Variants in TAS2R1 observed in about 807,000 individuals in gnomAD.
TAS2R1 encodes taste 2 receptor member 1, also known as taste receptor type 2 member 1.
For synonymous variants in TAS2R1, 141 were observed against 134.2 expected, an observed-to-expected ratio of 1.05 and a Z score of -0.35; for missense variants, 370 against 353.4, an observed-to-expected ratio of 1.05 and a Z score of -0.38.
At chr5:9,639,213 C>A (rs1740025319) in intron 2 of TAS2R1, among the ~76,000 whole-genome samples, 2 of 152,164 alleles carry the variant, frequency 1.3e-5, no homozygotes, top group Admixed American at 1.3e-4. Flanking sequence ...GTTGTATTGG[C>A]TGGCTTCCCC....
At chr5:9,900,760 A>G in the TAS2R1 span, among the ~76,000 whole-genome samples, 2 of 151,922 alleles carry the variant, frequency 1.3e-5, no homozygotes, top group African/African-American at 4.8e-5. Flanking sequence ...AGCTGGGACT[A>G]CAGGCACCTG....
chr5:9,843,499 G>C, the TAS2R1 span, among the ~76,000 whole-genome samples: 10,454 of 152,112 alleles, frequency 0.069, 485 homozygotes, highest in Non-Finnish European at 0.091. Flanking sequence ...TTCTCTATAA[G>C]CAACTATAGT....
the TAS2R1 span, among the ~76,000 whole-genome samples, chr5:9,861,656 G>A: frequency 6.6e-6 from 1 of 152,156 alleles, no homozygotes; most frequent in Non-Finnish European, 1.5e-5. Flanking sequence ...CTTGTTCTAA[G>A]GAATATGTAG....
At chr5:9,762,349 G>A in the TAS2R1 span, among the ~76,000 whole-genome samples, 1 of 152,086 alleles carries the variant, frequency 6.6e-6, no homozygotes. Flanking sequence ...TATATTTTTG[G>A]TGAGAGTCAA....
In TAS2R1 at chr5:9,694,987, T is replaced by C. The variant is rs1055854981; in HGVS notation, c.-242+17185A>G. Among the ~76,000 whole-genome samples, 7 of 152,324 alleles carry C rather than the reference T, an allele frequency of 4.6e-5. 1 individual carries two copies. The highest frequency in any genetic ancestry group is 6.8e-3 in the Middle Eastern group (2 of 294). ...TAAAATCCTTTCTCCTTCCAGTTCA[T>C]GGTGCTGATTCTAGCATTAACCACC... On this transcript the variant is annotated intron_variant, in intron 1 of 2. Coordinates refer to the TAS2R1 transcript ENST00000506620.
the TAS2R1 span, among the ~76,000 whole-genome samples, chr5:9,792,193 C>T: frequency 7.9e-5 from 12 of 152,190 alleles, no homozygotes; most frequent in Non-Finnish European, 1.6e-4. Context: ...CACCTATGCT[C>T]CCCAAGGCTC....
intron 1 of TAS2R1, among the ~76,000 whole-genome samples, chr5:9,670,705 C>T (rs1006933693): frequency 6.6e-6 from 1 of 152,124 alleles, no homozygotes; most frequent in African/African-American, 2.4e-5. Flanking sequence ...CAAATTCTAC[C>T]AGATGTATAA....
the TAS2R1 span, among the ~76,000 whole-genome samples, chr5:9,862,065 G>A: frequency 4.5e-4 from 68 of 152,240 alleles, no homozygotes; most frequent in South Asian, 2.7e-3. Context: ...CACCAGCTCT[G>A]AAAATGATTA....
At chr5:9,657,854 T>C (rs1425228442) in intron 2 of TAS2R1, among the ~76,000 whole-genome samples, 1 of 152,204 alleles carries the variant, frequency 6.6e-6, no homozygotes, top group Non-Finnish European at 1.5e-5. Context: ...TACTGAACTG[T>C]ACACTGAAAA....
chr5:9,888,760 C>A, the TAS2R1 span, among the ~76,000 whole-genome samples: 1 of 152,162 alleles, frequency 6.6e-6, no homozygotes, highest in African/African-American at 2.4e-5. Context: ...TAACAGTGGA[C>A]AGGGAGGGGA....
chr5:9,632,942 T>C (rs1739895378), upstream of TAS2R1, among the ~76,000 whole-genome samples: 1 of 151,150 alleles, frequency 6.6e-6, no homozygotes, highest in East Asian at 1.9e-4. Context: ...AAATGGTGAA[T>C]CCTTTCCAGA....
chr5:9,779,328 A>G, the TAS2R1 span, among the ~76,000 whole-genome samples: 1 of 152,242 alleles, frequency 6.6e-6, no homozygotes, highest in East Asian at 1.9e-4. Flanking sequence ...TTCCTATACA[A>G]CCTGCAAAAC....
chr5:9,854,304 G>A, the TAS2R1 span: 1 of 151,636 alleles, frequency 6.6e-6, no homozygotes, highest in African/African-American at 2.4e-5. Context: ...TTGGATTAGG[G>A]CCTCACCTGC....
chr5:9,786,007 C>G, the TAS2R1 span, among the ~76,000 whole-genome samples: 1 of 152,168 alleles, frequency 6.6e-6, no homozygotes, highest in East Asian at 1.9e-4. Flanking sequence ...AATCCATGAC[C>G]CCTGCTGCTC....
chr5:9,747,622 A>G, the TAS2R1 span, among the ~76,000 whole-genome samples: 1 of 152,160 alleles, frequency 6.6e-6, no homozygotes, highest in Non-Finnish European at 1.5e-5. Context: ...ATACGCCTCC[A>G]TGACCCAAAC....
chr5:9,675,397 CATTA>C (rs1369703686), intron 1 of TAS2R1, among the ~76,000 whole-genome samples: 1 of 150,412 alleles, frequency 6.6e-6, no homozygotes, highest in African/African-American at 2.4e-5. Flanking sequence ...TTACTGAATC[CATTA>C]ATTATTTTTT....
chr5:9,814,361 C>T, the TAS2R1 span, among the ~76,000 whole-genome samples: 4 of 151,804 alleles, frequency 2.6e-5, no homozygotes, highest in Non-Finnish European at 4.4e-5. Flanking sequence ...TAAGGAAAGT[C>T]CATGGCAAGA....
the TAS2R1 span, among the ~76,000 whole-genome samples, chr5:9,835,842 G>A: frequency 2.0e-5 from 3 of 152,164 alleles, no homozygotes; most frequent in East Asian, 3.9e-4. Context: ...ATCCCAGGGT[G>A]GCTGAGTTAA....
the TAS2R1 span, among the ~76,000 whole-genome samples, chr5:9,852,179 G>C: frequency 3.9e-5 from 6 of 152,050 alleles, no homozygotes; most frequent in African/African-American, 1.4e-4. Flanking sequence ...TTATCCTCTA[G>C]GAGGCTTTAC....
Sources: gnomAD v4.1 joint callset for allele counts (sites outside exome capture counted in the v4.1 genomes callset) on GRCh38, gnomAD v4.1.1 for gene constraint, MANE v1.5 for transcripts, NCBI Gene and HGNC (gene_info 2026-07-23, HGNC 2026-07-21) for gene names.